Variants in TIAM1 observed in about 807,000 individuals in gnomAD.
TIAM1 encodes rho guanine nucleotide exchange factor TIAM1.
In TIAM1, 65 loss-of-function variants were observed where a neutral mutation model predicts 163.5. That is an observed-to-expected ratio of 0.40 (90% CI 0.33 to 0.49). The LOEUF (loss-of-function observed/expected upper bound fraction) is 0.49. Among genes scored for constraint, TIAM1 ranks in the 20% least tolerant of loss-of-function variants. The pLI, the probability that TIAM1 is intolerant of heterozygous loss-of-function variation, is 0.77. For synonymous variants in TIAM1, 833 were observed against 810.1 expected (o/e 1.03, Z -0.48); for missense variants, 1,789 against 2,044.7 (o/e 0.87, Z 2.41).
chr21:31,327,517 G>C (rs1473188276), intron 2 of TIAM1, among the ~76,000 whole-genome samples: 2 of 151,742 alleles, frequency 1.3e-5, no homozygotes, highest in African/African-American at 4.8e-5. Context: ...ATGCACACCT[G>C]TGATCCCAGC....
intron 1 of TIAM1, among the ~76,000 whole-genome samples, chr21:31,546,949 C>T (rs2048517318): frequency 9.9e-6 from 1 of 101,004 alleles, no homozygotes; most frequent in Non-Finnish European, 2.0e-5. Context: ...GGGCTGTGCC[C>T]CAAAATAGTG....
intron 15 of TIAM1, among the ~76,000 whole-genome samples, chr21:31,178,914 G>T (rs2084888519): frequency 6.6e-6 from 1 of 151,296 alleles, no homozygotes; most frequent in African/African-American, 2.4e-5. Context: ...ACCATGCCTG[G>T]CTAATTTTGT....
chr21:31,327,015 G>A (rs1190661823), intron 2 of TIAM1, among the ~76,000 whole-genome samples: 1 of 152,224 alleles, frequency 6.6e-6, no homozygotes, highest in Non-Finnish European at 1.5e-5. Flanking sequence ...TTCCGGCCGC[G>A]ATTTAACATG....
At chr21:31,163,491 T>C (rs2084035005) in intron 16 of TIAM1, among the ~76,000 whole-genome samples, 1 of 152,236 alleles carries the variant, frequency 6.6e-6, no homozygotes, top group African/African-American at 2.4e-5. Context: ...ATATTAATGT[T>C]GCTTTCAAAT....
At chr21:31,523,038 A>G (rs1043186111) in intron 1 of TIAM1, among the ~76,000 whole-genome samples, 1 of 152,258 alleles carries the variant, frequency 6.6e-6, no homozygotes, top group African/African-American at 2.4e-5. Flanking sequence ...ACGGATTTCA[A>G]CAGCACCCAA....
chr21:31,217,010 C>T (rs1210418767), intron 9 of TIAM1, among the ~76,000 whole-genome samples: 1 of 152,080 alleles, frequency 6.6e-6, no homozygotes, highest in East Asian at 1.9e-4. Context: ...AGTTCAAGAC[C>T]AGCCTGGCTA....
At chr21:31,511,406 C>T (rs916364491) in intron 1 of TIAM1, among the ~76,000 whole-genome samples, 1 of 152,188 alleles carries the variant, frequency 6.6e-6, no homozygotes, top group African/African-American at 2.4e-5. Flanking sequence ...ACTCTGTGGC[C>T]AGACTGCCTG....
intron 2 of TIAM1, among the ~76,000 whole-genome samples, chr21:31,316,692 T>C (rs2075134908): frequency 6.6e-6 from 1 of 152,204 alleles, no homozygotes; most frequent in African/African-American, 2.4e-5. Context: ...CTTCCTGGCC[T>C]CTCTGAGCCC....
At position 31,210,701 on chromosome 21, in the gene TIAM1, GAAAGAGAAAGAAA is replaced by G. The variant is rs1569033509; in HGVS notation, c.2218-499_2218-487del. Among the ~76,000 whole-genome samples, 30 of 101,264 alleles carry G rather than the reference GAAAGAGAAAGAAA, an allele frequency of 3.0e-4. 1 individual carries two copies. Among genetic ancestry groups the G allele is most frequent in the East Asian group, 9.5e-4 (3 of 3,144 alleles). 66.4% of individuals were successfully genotyped at this position (101,264 alleles called of 152,430 possible). A position where few individuals can be genotyped will look rare whatever the true frequency, so the allele number is the denominator to read the frequency against. On this transcript the variant is annotated intron_variant, in intron 10 of 27. Transcript: ENST00000541036. ...AAAGAAAGAAAAAGAAAGAAAGAAA[GAAAGAGAAAGAAA>G]GAGAAAGAAAGAAAGAGAAAGAAGG...
At chr21:31,479,122 G>A (rs1455074271) in intron 1 of TIAM1, among the ~76,000 whole-genome samples, 1 of 152,198 alleles carries the variant, frequency 6.6e-6, no homozygotes. Flanking sequence ...CACAACTGTG[G>A]TCTGCACAAC....
chr21:31,418,783 G>A (rs2833401), intron 2 of TIAM1, among the ~76,000 whole-genome samples: 19,245 of 152,130 alleles, frequency 0.13, 1,861 homozygotes, highest in African/African-American at 0.26. Flanking sequence ...GAAAATACCA[G>A]CGACACTGGA....
At chr21:31,264,694 C>T (rs890139348) in intron 4 of TIAM1, among the ~76,000 whole-genome samples, 7 of 152,120 alleles carry the variant, frequency 4.6e-5, no homozygotes, top group African/African-American at 1.7e-4. Context: ...ATCCTATGCC[C>T]ATTATATTTA....
chr21:31,279,123 A>T (rs1161467495), intron 2 of TIAM1, among the ~76,000 whole-genome samples: 3 of 152,016 alleles, frequency 2.0e-5, no homozygotes, highest in African/African-American at 7.2e-5. Flanking sequence ...GAACAAAAAA[A>T]TATATAAATA....
chr21:31,444,347 T>C (rs139094610), intron 2 of TIAM1, among the ~76,000 whole-genome samples: 1 of 144,180 alleles, frequency 6.9e-6, no homozygotes, highest in Non-Finnish European at 1.5e-5. Context: ...AAAAATAAAA[T>C]CAGTAAATTT....
At chr21:31,222,915 A>C (rs2087706836) in intron 8 of TIAM1, among the ~76,000 whole-genome samples, 1 of 150,986 alleles carries the variant, frequency 6.6e-6, no homozygotes, top group Non-Finnish European at 1.5e-5. Context: ...ACAGGGTTTC[A>C]CCATGTTGGC....
intron 1 of TIAM1, among the ~76,000 whole-genome samples, chr21:31,481,161 C>T (rs1395301628): frequency 6.6e-6 from 1 of 152,166 alleles, no homozygotes; most frequent in Non-Finnish European, 1.5e-5. Flanking sequence ...TGGACAGCCA[C>T]CTTCTTTCTG....
intron 2 of TIAM1, among the ~76,000 whole-genome samples, chr21:31,358,410 T>A (rs753532229): frequency 6.6e-6 from 1 of 152,294 alleles, no homozygotes; most frequent in South Asian, 2.1e-4. Flanking sequence ...TGACTGCGAA[T>A]ACTTTCCACA....
intron 2 of TIAM1, among the ~76,000 whole-genome samples, chr21:31,320,380 C>G (rs1034144847): frequency 1.3e-5 from 2 of 152,162 alleles, no homozygotes; most frequent in East Asian, 3.9e-4. Context: ...AGAATTAGAT[C>G]ATGGTAATGG....
At chr21:31,252,499 G>A (rs1022405277) in intron 4 of TIAM1, among the ~76,000 whole-genome samples, 3 of 152,154 alleles carry the variant, frequency 2.0e-5, no homozygotes, top group Non-Finnish European at 2.9e-5. Context: ...TAACGAATTG[G>A]CAAATTCGCG....
Sources: gnomAD v4.1 joint callset for allele counts (sites outside exome capture counted in the v4.1 genomes callset) on GRCh38, gnomAD v4.1.1 for gene constraint, MANE v1.5 for transcripts, NCBI Gene and HGNC (gene_info 2026-07-23, HGNC 2026-07-21) for gene names.